Variants in TSPAN14 observed in about 807,000 individuals in gnomAD.
The protein encoded by TSPAN14 is tetraspanin 14, also known as tetraspanin-14.
Under a neutral mutation model 36.6 loss-of-function variants are expected in TSPAN14, and 16 were observed. That is an observed-to-expected ratio of 0.44 (90% CI 0.30 to 0.66). The LOEUF (loss-of-function observed/expected upper bound fraction) is 0.66. Ranked by LOEUF, TSPAN14 falls within the 30% of genes least tolerant of loss-of-function variation. The probability of loss-of-function intolerance (pLI) is 0.12; values close to 1 mark genes in which losing one functional copy is unlikely to be tolerated. For missense variants in TSPAN14, 231 were observed against 355.1 expected, an observed-to-expected ratio of 0.65 and a Z score of 2.81; for synonymous variants, 139 against 143.8, an observed-to-expected ratio of 0.97 and a Z score of 0.24.
intron 6 of TSPAN14, among the ~76,000 whole-genome samples, chr10:80,513,099 T>C (rs867143782): frequency 3.3e-5 from 5 of 152,168 alleles, no homozygotes; most frequent in Non-Finnish European, 5.9e-5. Context: ...GGTTTCACCA[T>C]GTTGCCCCGG....
chr10:80,471,577 G>T (rs1227101323), intron 1 of TSPAN14, among the ~76,000 whole-genome samples: 1 of 152,196 alleles, frequency 6.6e-6, no homozygotes, highest in African/African-American at 2.4e-5. Flanking sequence ...TCAGAAACAG[G>T]CCTGTCATGA....
chr10:80,512,302 C>T lies in TSPAN14; in HGVS notation c.576+33C>T, dbSNP rs147036732. 1.6e-3 allele frequency: 2,511 copies of T among 1,611,094 alleles called. 24 individuals carry two copies. The African/African-American group carries it at 0.023, about 14-fold the overall frequency. On this transcript the variant is annotated intron_variant, in intron 6 of 8. Coordinates refer to ENST00000429989, the Ensembl canonical transcript of TSPAN14. ...GGCTTGTGCTGGGGCACAGGGAGCC[C>T]GCCCTTCCTGAAGCCCAGAAGCTTT...
intron 2 of TSPAN14, among the ~76,000 whole-genome samples, chr10:80,490,878 CAG>C (rs1847887571): frequency 6.6e-6 from 1 of 152,246 alleles, no homozygotes; most frequent in Non-Finnish European, 1.5e-5. Flanking sequence ...TGATCATGCA[CAG>C]AGTCTTTGAA....
chr10:80,514,327 G>T (rs949651816), intron 7 of TSPAN14, among the ~76,000 whole-genome samples: 2 of 152,170 alleles, frequency 1.3e-5, no homozygotes, highest in African/African-American at 4.8e-5. Context: ...TAAAGAGGTG[G>T]GATGGAAGTT....
chr10:80,477,370 A>G (rs10887949), intron 1 of TSPAN14, among the ~76,000 whole-genome samples: 29,910 of 152,248 alleles, frequency 0.2, 3,893 homozygotes, highest in East Asian at 0.54. Flanking sequence ...AAATGTTCCT[A>G]GAGGTCTTCT....
chr10:80,517,316 C>T (rs1036920755), intron 8 of TSPAN14, among the ~76,000 whole-genome samples: 1 of 152,176 alleles, frequency 6.6e-6, no homozygotes, highest in South Asian at 2.1e-4. Flanking sequence ...CAAATTAGAA[C>T]CACACAAGAA....
chr10:80,469,550 C>T (rs76993316), intron 1 of TSPAN14, among the ~76,000 whole-genome samples: 2,297 of 152,256 alleles, frequency 0.015, 50 homozygotes, highest in African/African-American at 0.053. Context: ...CAAGGGCTCC[C>T]CTGCATTTCT....
chr10:80,518,470 G>A lies in TSPAN14; in HGVS notation c.*494G>A, dbSNP rs112498326. On this transcript the variant is annotated 3_prime_UTR_variant, in exon 9 of 9. Transcript: ENST00000429989. ...TGGGGGCCTGCCCGTAACGGGAGGC[G>A]GACGTGGCCCCGCTGGGCCTCTGAG... 912 of 172,728 alleles carry A rather than the reference G, an allele frequency of 5.3e-3. 8 individuals are homozygous for A. The highest frequency in any genetic ancestry group is 0.02 in the African/African-American group (837 of 42,312). 10.7% of individuals were successfully genotyped at this position (172,728 alleles called of 1,614,324 possible).
At chr10:80,479,060 C>T (rs912203682) in intron 1 of TSPAN14, among the ~76,000 whole-genome samples, 1 of 152,200 alleles carries the variant, frequency 6.6e-6, no homozygotes, top group African/African-American at 2.4e-5. Flanking sequence ...GAGCATTTTT[C>T]CATGTGTTTT....
chr10:80,481,118 G>T (rs1847248780), intron 1 of TSPAN14, among the ~76,000 whole-genome samples: 1 of 151,862 alleles, frequency 6.6e-6, no homozygotes, highest in African/African-American at 2.4e-5. Flanking sequence ...AAAAAAGAGT[G>T]AAGGTAGAAA....
In TSPAN14 at chr10:80,516,192, GT is replaced by G; in HGVS notation, c.622-8del. 1 of 1,614,194 alleles carries G rather than the reference GT, an allele frequency of 6.2e-7. No homozygotes were observed. Among genetic ancestry groups the G allele is most frequent in the Non-Finnish European group, 8.5e-7 (1 of 1,180,002 alleles). ...TGCCAAAGGCTCAGACCCCTGTGGT[GT>G]TTTCCTGCAGCTGAAGAGCAAGTGG... is the stretch of plus-strand genomic sequence containing the variant. On this transcript the variant is annotated splice_polypyrimidine_tract_variant and intron_variant, in intron 7 of 8. Transcript: ENST00000429989.
At chr10:80,502,903 C>T (rs559894119) in intron 2 of TSPAN14, among the ~76,000 whole-genome samples, 223 of 151,914 alleles carry the variant, frequency 1.5e-3, no homozygotes, top group Non-Finnish European at 2.6e-3. Context: ...CCACCAGCAT[C>T]TAGAGGGGTC....
At chr10:80,512,165 G>A in exon 6 of TSPAN14, 4 of 1,614,204 alleles carry the variant, frequency 2.5e-6, no homozygotes, top group Non-Finnish European at 3.4e-6. Context: ...TGGCGCATAT[G>A]GCCCTGAAGA....
intron 1 of TSPAN14, among the ~76,000 whole-genome samples, chr10:80,487,549 T>A (rs1847680071): frequency 6.6e-6 from 1 of 152,184 alleles, no homozygotes; most frequent in South Asian, 2.1e-4. Flanking sequence ...TGAGGTCATG[T>A]TGCTGAAGGA....
At chr10:80,479,996 A>G (rs1187400251) in intron 1 of TSPAN14, among the ~76,000 whole-genome samples, 3 of 139,836 alleles carry the variant, frequency 2.1e-5, no homozygotes, top group Admixed American at 7.3e-5. Context: ...TTCTCCTTGA[A>G]GAGGTCCTTC....
Position 80,457,913 on chromosome 10 carries a change from C to T in TSPAN14, c.-18+3542C>T, listed in dbSNP as rs558794965. The stretch of plus-strand genomic sequence containing the variant: ...TTATGTTGTCCTCACTGGGGGGACC[C>T]ATAGTGATTAGTGGGAACACCCCTG... On this transcript the variant is annotated intron_variant, in intron 1 of 8. Coordinates refer to ENST00000429989, the Ensembl canonical transcript of TSPAN14. Among the ~76,000 whole-genome samples, 181 of 152,272 alleles carry T rather than the reference C, an allele frequency of 1.2e-3. 1 individual carries two copies. The highest frequency in any genetic ancestry group is 4.3e-3 in the African/African-American group (177 of 41,548).
chr10:80,476,943 A>G (rs1846950546), intron 1 of TSPAN14, among the ~76,000 whole-genome samples: 1 of 152,108 alleles, frequency 6.6e-6, no homozygotes, highest in Admixed American at 6.5e-5. Context: ...TTCTCTCTGG[A>G]GGCTCTGGGA....
intron 1 of TSPAN14, among the ~76,000 whole-genome samples, chr10:80,471,712 G>A (rs1249476860): frequency 6.6e-6 from 1 of 152,144 alleles, no homozygotes; most frequent in African/African-American, 2.4e-5. Context: ...TGGAAGTCAA[G>A]GTGCCAGGCC....
intron 7 of TSPAN14, 22 bp from the exon 8 acceptor site, chr10:80,516,182 C>A: frequency 1.2e-6 from 2 of 1,614,192 alleles, no homozygotes; most frequent in Non-Finnish European, 1.7e-6. Flanking sequence ...AAGGCTCAGA[C>A]CCCTGTGGTG....
Sources: allele counts gnomAD v4.1 joint callset (sites outside exome capture counted in the v4.1 genomes callset), GRCh38; gene constraint gnomAD v4.1.1; transcripts MANE v1.5; gene names NCBI Gene and HGNC (gene_info 2026-07-23, HGNC 2026-07-21).